The following CADM2 variants were observed in gnomAD, a reference collection of about 807,000 sequenced individuals.
CADM2 encodes the protein cell adhesion molecule 2, also known as immunoglobulin superfamily member 4D.
CADM2 carries 12 observed loss-of-function variants against 49.8 expected under a neutral mutation model. The ratio of observed to expected loss-of-function variants is 0.24; its 90% CI spans 0.15 to 0.39. The LOEUF is 0.39. CADM2 is among the 10% of genes least tolerant of loss of function. CADM2 has a pLI of 1.00. For synonymous variants in CADM2, 214 were observed against 175.4 expected (o/e 1.22, Z -1.74); for missense variants, 378 against 492.3 (o/e 0.77, Z 2.20).
chr3:85,217,829 A>T (rs2041962155), intron 1 of CADM2, among the ~76,000 whole-genome samples: 1 of 152,088 alleles, frequency 6.6e-6, no homozygotes. Context: ...TAAATGTAAC[A>T]GTAGTAGATT....
At chr3:85,456,661 CT>C (rs756026971) in intron 1 of CADM2, among the ~76,000 whole-genome samples, 1 of 151,638 alleles carries the variant, frequency 6.6e-6, no homozygotes, top group Non-Finnish European at 1.5e-5. Context: ...ATAAATTTTA[CT>C]TTGGTTTCTA....
chr3:85,536,585 T>G (rs1250405804), intron 1 of CADM2, among the ~76,000 whole-genome samples: 1 of 152,010 alleles, frequency 6.6e-6, no homozygotes, highest in African/African-American at 2.4e-5. Context: ...TCTGAGGTGG[T>G]TCTGACTTGC....
chr3:85,041,661 G>T (rs56097476), intron 1 of CADM2, among the ~76,000 whole-genome samples: 2 of 152,198 alleles, frequency 1.3e-5, no homozygotes, highest in Non-Finnish European at 2.9e-5. Context: ...TGCATAATTG[G>T]CATTCAGGCT....
intron 1 of CADM2, among the ~76,000 whole-genome samples, chr3:85,670,997 G>A (rs982337192): frequency 3.9e-5 from 6 of 152,164 alleles, no homozygotes; most frequent in Non-Finnish European, 7.3e-5. Flanking sequence ...TTGTGGCAGA[G>A]TGATTCAGTG....
chr3:85,840,975 C>T (rs2074613829), intron 3 of CADM2, among the ~76,000 whole-genome samples: 1 of 151,600 alleles, frequency 6.6e-6, no homozygotes, highest in Non-Finnish European at 1.5e-5. Flanking sequence ...AACTCAAATA[C>T]CAGTGATTCT....
intron 1 of CADM2, among the ~76,000 whole-genome samples, chr3:85,366,759 A>G (rs2107301768): frequency 6.6e-6 from 1 of 152,234 alleles, no homozygotes; most frequent in East Asian, 1.9e-4. Flanking sequence ...CACTCAATGA[A>G]TGACATATAA....
At chr3:85,384,847 A>C (rs886524955) in intron 1 of CADM2, among the ~76,000 whole-genome samples, 3 of 152,144 alleles carry the variant, frequency 2.0e-5, no homozygotes, top group Non-Finnish European at 4.4e-5. Context: ...TATTTCAGGA[A>C]AAAAGAAAGA....
chr3:85,967,294 A>T (rs1193716747), intron 8 of CADM2, among the ~76,000 whole-genome samples: 1 of 151,702 alleles, frequency 6.6e-6, no homozygotes. Flanking sequence ...AAATTGAGTC[A>T]TGGATGGTAT....
At chr3:85,744,674 G>A (rs773489680) in intron 2 of CADM2, among the ~76,000 whole-genome samples, 8 of 152,134 alleles carry the variant, frequency 5.3e-5, no homozygotes, top group Non-Finnish European at 1.0e-4. Context: ...TATAAGATCA[G>A]AGCAAGGGCC....
chr3:85,162,154 A>G (rs1478782713), intron 1 of CADM2, among the ~76,000 whole-genome samples: 1 of 152,166 alleles, frequency 6.6e-6, no homozygotes, highest in Non-Finnish European at 1.5e-5. Context: ...TTAACAGGGA[A>G]ATTCCTGCTT....
intron 1 of CADM2, among the ~76,000 whole-genome samples, chr3:85,477,896 A>G (rs1038395156): frequency 3.3e-5 from 5 of 151,934 alleles, no homozygotes; most frequent in Non-Finnish European, 7.4e-5. Context: ...GTAAAGCACT[A>G]AAATTCTCAG....
chr3:85,266,287 T>C (rs2043119857), intron 1 of CADM2, among the ~76,000 whole-genome samples: 1 of 151,836 alleles, frequency 6.6e-6, no homozygotes, highest in South Asian at 2.1e-4. Flanking sequence ...TTGTTTTAAA[T>C]TGTAAATAAA....
intron 1 of CADM2, among the ~76,000 whole-genome samples, chr3:85,337,034 TATATATATAA>T (rs1211534318): frequency 1.4e-5 from 2 of 139,612 alleles, no homozygotes; most frequent in African/African-American, 5.4e-5. Flanking sequence ...AATATAAATA[TATATATATAA>T]ATATATATAT....
intron 1 of CADM2, among the ~76,000 whole-genome samples, chr3:85,395,602 C>T (rs2034744420): frequency 6.6e-6 from 1 of 152,022 alleles, no homozygotes; most frequent in African/African-American, 2.4e-5. Context: ...AGATTTTCTT[C>T]AGAAGAATAA....
chr3:85,392,240 G>T (rs1326591417), intron 1 of CADM2, among the ~76,000 whole-genome samples: 2 of 152,008 alleles, frequency 1.3e-5, no homozygotes, highest in African/African-American at 2.4e-5. Flanking sequence ...AAAAATCAAA[G>T]AAATCCCTTT....
chr3:85,269,936 T>C (rs1468009960), intron 1 of CADM2, among the ~76,000 whole-genome samples: 1 of 151,442 alleles, frequency 6.6e-6, no homozygotes, highest in Non-Finnish European at 1.5e-5. Flanking sequence ...TTGTATTATA[T>C]TGTAACCCAC....
At chr3:85,048,637 A>G (rs1403102409) in intron 1 of CADM2, among the ~76,000 whole-genome samples, 1 of 152,188 alleles carries the variant, frequency 6.6e-6, no homozygotes, top group East Asian at 1.9e-4. Flanking sequence ...ATCAAGATAT[A>G]CTTAGGATGT....
intron 3 of CADM2, among the ~76,000 whole-genome samples, chr3:85,874,065 T>A (rs1711505023): frequency 6.6e-6 from 1 of 152,114 alleles, no homozygotes; most frequent in South Asian, 2.1e-4. Context: ...TTCTTATGCC[T>A]ACGTTTTAAA....
intron 1 of CADM2, among the ~76,000 whole-genome samples, chr3:85,532,250 G>C (rs1023670908): frequency 6.6e-6 from 1 of 152,092 alleles, no homozygotes; most frequent in Non-Finnish European, 1.5e-5. Context: ...TGAGGAAACT[G>C]CAGGCAGTAT....
Sources: gnomAD v4.1 joint callset for allele counts (sites outside exome capture counted in the v4.1 genomes callset) on GRCh38, gnomAD v4.1.1 for gene constraint, MANE v1.5 for transcripts, NCBI Gene and HGNC (gene_info 2026-07-23, HGNC 2026-07-21) for gene names.